Variants in DPP10 observed in about 807,000 individuals in gnomAD.
The protein encoded by DPP10 is dipeptidyl peptidase like 10.
In DPP10, 33 loss-of-function variants were observed where a neutral mutation model predicts 120.9. That is an observed-to-expected ratio of 0.27 (90% CI 0.21 to 0.37). The LOEUF (loss-of-function observed/expected upper bound fraction) is 0.37. Ranked by LOEUF, DPP10 falls within the 10% of genes least tolerant of loss-of-function variation. DPP10 has a pLI of 1.00. For synonymous variants in DPP10, 337 were observed against 326.1 expected, an observed-to-expected ratio of 1.03 and a Z score of -0.36; for missense variants, 816 against 942.8, an observed-to-expected ratio of 0.87 and a Z score of 1.76.
chr2:115,718,913 C>A (rs114233950), intron 7 of DPP10, among the ~76,000 whole-genome samples: 1,701 of 152,162 alleles, frequency 0.011, 21 homozygotes, highest in African/African-American at 0.037. Context: ...CATCTTCTAG[C>A]ACTTCGACCC....
chr2:114,772,662 C>CTT (rs34802599), intron 1 of DPP10, among the ~76,000 whole-genome samples: 2 of 145,342 alleles, frequency 1.4e-5, no homozygotes, highest in African/African-American at 5.0e-5. Flanking sequence ...CACCTCATAC[C>CTT]TTTTTTTTTT....
chr2:114,646,774 T>C (rs1318268393), intron 1 of DPP10, among the ~76,000 whole-genome samples: 1 of 152,230 alleles, frequency 6.6e-6, no homozygotes, highest in Non-Finnish European at 1.5e-5. Context: ...AGTTTTACTT[T>C]ATGGCTGAAA....
intron 1 of DPP10, among the ~76,000 whole-genome samples, chr2:115,032,925 G>A (rs143391734): frequency 1.0e-3 from 158 of 151,416 alleles, no homozygotes; most frequent in Non-Finnish European, 1.9e-3. Context: ...AAGAATATAG[G>A]TTCATTGTTA....
chr2:115,321,340 G>A (rs2062046338), intron 2 of DPP10, among the ~76,000 whole-genome samples: 1 of 151,454 alleles, frequency 6.6e-6, no homozygotes, highest in African/African-American at 2.4e-5. Context: ...CTTTAAAAAT[G>A]TTGTTCCACC....
chr2:115,175,959 G>A (rs1380251551), intron 1 of DPP10, among the ~76,000 whole-genome samples: 1 of 152,192 alleles, frequency 6.6e-6, no homozygotes, highest in Non-Finnish European at 1.5e-5. Flanking sequence ...GTGAATGTGA[G>A]CTGGGGTCCA....
At chr2:114,767,678 C>A (rs72830395) in intron 1 of DPP10, among the ~76,000 whole-genome samples, 3,378 of 152,242 alleles carry the variant, frequency 0.022, 66 homozygotes, top group African/African-American at 0.038. Context: ...ATACTCACCC[C>A]GGTGAAATCA....
chr2:115,824,797 A>C (rs770918956), intron 21 of DPP10, among the ~76,000 whole-genome samples: 1 of 152,186 alleles, frequency 6.6e-6, no homozygotes, highest in Non-Finnish European at 1.5e-5. Flanking sequence ...AAAGTGATTA[A>C]GGAATAGAAT....
At chr2:114,586,800 C>A (rs1366928033) in intron 1 of DPP10, among the ~76,000 whole-genome samples, 1 of 152,066 alleles carries the variant, frequency 6.6e-6, no homozygotes, top group Non-Finnish European at 1.5e-5. Context: ...ATGAGAGTTC[C>A]CAAAGAACTG....
chr2:114,493,436 C>G (rs1682178591), intron 1 of DPP10, among the ~76,000 whole-genome samples: 1 of 152,098 alleles, frequency 6.6e-6, no homozygotes, highest in Non-Finnish European at 1.5e-5. Context: ...TGGCGTCACA[C>G]AGCATGTAAG....
At chr2:115,787,988 T>G (rs1683530249) in intron 17 of DPP10, among the ~76,000 whole-genome samples, 1 of 152,082 alleles carries the variant, frequency 6.6e-6, no homozygotes, top group Admixed American at 6.5e-5. Context: ...AAAACAAACC[T>G]AGAAGATATT....
At chr2:114,801,273 A>AAAAAAAAAG (rs1278761461) in intron 1 of DPP10, among the ~76,000 whole-genome samples, 1,629 of 77,628 alleles carry the variant, frequency 0.021, 51 homozygotes, top group African/African-American at 0.058. Flanking sequence ...AAAAAAAAAA[A>AAAAAAAAAG]AAAAAAGAAA....
At position 114,803,535 on chromosome 2, in the gene DPP10, A is replaced by G. The variant is rs187897477; in HGVS notation, c.60+360697A>G. Among the ~76,000 whole-genome samples, 888 of 152,338 alleles carry G rather than the reference A, an allele frequency of 5.8e-3. 11 individuals are homozygous for G. The highest frequency in any genetic ancestry group is 0.02 in the African/African-American group (839 of 41,576). On this transcript the variant is annotated intron_variant, in intron 1 of 25. Coordinates refer to ENST00000410059, the MANE Select transcript of DPP10 (RefSeq NM_020868.6). ...CAAAATGCTGATAGTGATATGGACA[A>G]TAAGGTCCAGGCTAAGGTGGTCTCA... is the stretch of plus-strand genomic sequence containing the variant.
chr2:114,718,207 T>C (rs550599879), intron 1 of DPP10, among the ~76,000 whole-genome samples: 64 of 152,102 alleles, frequency 4.2e-4, no homozygotes, highest in Non-Finnish European at 7.6e-4. Context: ...TTGTGTAATA[T>C]ATATCTCCAG....
intron 1 of DPP10, among the ~76,000 whole-genome samples, chr2:115,083,680 T>C (rs2104511289): frequency 6.6e-6 from 1 of 152,350 alleles, no homozygotes; most frequent in Middle Eastern, 3.4e-3. Flanking sequence ...AAACAACAAC[T>C]TTCAGAGCAT....
At chr2:115,354,272 C>T (rs964206459) in intron 3 of DPP10, among the ~76,000 whole-genome samples, 1 of 152,010 alleles carries the variant, frequency 6.6e-6, no homozygotes, top group African/African-American at 2.4e-5. Flanking sequence ...AATATGTCAC[C>T]CAGGTAATGA....
intron 1 of DPP10, among the ~76,000 whole-genome samples, chr2:114,811,044 C>T (rs1329717306): frequency 2.0e-5 from 3 of 152,150 alleles, no homozygotes; most frequent in African/African-American, 7.2e-5. Flanking sequence ...GCATTTTTTC[C>T]CAGAGATTTC....
intron 1 of DPP10, among the ~76,000 whole-genome samples, chr2:115,150,739 T>C (rs1328495371): frequency 1.3e-5 from 2 of 152,212 alleles, no homozygotes; most frequent in Non-Finnish European, 2.9e-5. Flanking sequence ...TATTGGACAA[T>C]TGAAACATGT....
chr2:114,448,623 T>C (rs1424313164), intron 1 of DPP10, among the ~76,000 whole-genome samples: 1 of 152,184 alleles, frequency 6.6e-6, no homozygotes, highest in Non-Finnish European at 1.5e-5. Flanking sequence ...TTCTGATCCA[T>C]ATTGATGTTT....
chr2:115,390,737 G>A (rs2067262489), intron 3 of DPP10, among the ~76,000 whole-genome samples: 2 of 152,074 alleles, frequency 1.3e-5, no homozygotes, highest in Admixed American at 1.3e-4. Context: ...ACACCATGTA[G>A]AAAGTTTATA....
Sources: gnomAD v4.1 joint callset for allele counts (sites outside exome capture counted in the v4.1 genomes callset) on GRCh38, gnomAD v4.1.1 for gene constraint, MANE v1.5 for transcripts, NCBI Gene and HGNC (gene_info 2026-07-23, HGNC 2026-07-21) for gene names.